SCN4A: variants seen among roughly 807,000 people sequenced by gnomAD.
SCN4A encodes the protein sodium channel protein type 4 subunit alpha.
A neutral mutation model predicts 162.0 loss-of-function variants in SCN4A; 83 were observed. The observed-to-expected ratio is 0.51, with a 90% CI of 0.43 to 0.61. The LOEUF (loss-of-function observed/expected upper bound fraction) is 0.61, where lower values mean the gene tolerates loss of function less well. SCN4A is among the 20% of genes least tolerant of loss of function. SCN4A has a pLI of 0.00. For synonymous variants in SCN4A, 944 were observed against 985.1 expected (o/e 0.96, Z 0.78); for missense variants, 2,196 against 2,462.5 (o/e 0.89, Z 2.29).
At chr17:63,943,955 C>T in intron 21 of SCN4A, 105 bp from the exon 22 acceptor site, 1 of 703,838 alleles carries the variant, frequency 1.4e-6, no homozygotes, top group East Asian at 2.7e-5. Flanking sequence ...AGCCCCCGCC[C>T]CTGTTGATCA....
intron 17 of SCN4A, 141 bp from the exon 18 acceptor site, chr17:63,947,308 G>A (rs995514598): frequency 5.4e-5 from 56 of 1,035,346 alleles, no homozygotes; most frequent in South Asian, 2.0e-4. Context: ...CTGTCCGGTG[G>A]GAAGAGCAGC....
At chr17:63,947,796 G>A in intron 17 of SCN4A, 94 bp downstream of exon 17, 1 of 1,307,556 alleles carries the variant, frequency 7.6e-7, no homozygotes, top group Non-Finnish European at 1.1e-6. Flanking sequence ...GTGGCCTCGG[G>A]CAGGTCCTGC....
At position 63,964,558 on chromosome 17, in the gene SCN4A, A is replaced by T. The variant is rs369190019; in HGVS notation, c.1362T>A (p.Asn454Lys). Residue 454 changes from asparagine (N) to lysine (K), a missense_variant, in exon 9 of 24, where the codon AAT becomes AAA. Coordinates refer to ENST00000435607, the MANE Select transcript of SCN4A (RefSeq NM_000334.4). ...AVVAMAYAEQ[N>K]EATLAEDKEK... ...CCTTATCCTCGGCCAGGGTGGCCTC[A>T]TTCTGCTCGGCATATGCCATGGCCA... 1.2e-6 allele frequency: 2 copies of T among 1,613,920 alleles called. No individual in the cohort carries two copies. Among genetic ancestry groups the T allele is most frequent in the African/African-American group, 2.7e-5 (2 of 74,950 alleles).
At chr17:63,964,708 T>G (rs1597982818) in intron 8 of SCN4A, 31 bp from the exon 9 acceptor site, 133 of 1,518,474 alleles carry the variant, frequency 8.8e-5, no homozygotes, top group Non-Finnish European at 1.1e-4. Context: ...AGTGGAGGGG[T>G]CCCATGACGT....
chr17:63,940,604 G>A lies in SCN4A; in HGVS notation c.*167C>T. On this transcript the variant is annotated 3_prime_UTR_variant, in exon 24 of 24. Transcript: ENST00000435607. The stretch of plus-strand genomic sequence containing the variant: ...CATTTCCCATGGTCTGGGAACGCAG[G>A]CGCTCGGGCCTGGGTGTCAGCCCCA... The A allele has an allele frequency of 2.8e-6, 2 of 720,386 alleles. No homozygotes were observed. Among genetic ancestry groups the A allele is most frequent in the Non-Finnish European group, 4.2e-6 (2 of 473,472 alleles). 44.6% of individuals were successfully genotyped at this position (720,386 alleles called of 1,614,324 possible). A position where few individuals can be genotyped will look rare whatever the true frequency, so the allele number is the denominator to read the frequency against.
rs1354826417 is a variant in SCN4A, at chr17:63,961,603, C to T, written c.1607-172G>A. The T allele has an allele frequency of 6.7e-6, 4 of 599,416 alleles. No homozygotes were observed. In the African/African-American group the frequency reaches 7.4e-5, roughly 11 times the overall value. The allele number at this position is 599,416 out of a possible 1,614,324, so 37.1% of individuals were successfully genotyped here. On this transcript the variant is annotated intron_variant, in intron 10 of 23. Coordinates refer to ENST00000435607, the MANE Select transcript of SCN4A (RefSeq NM_000334.4). Reference sequence around the variant, plus strand: ...CCGCCTCTTGCGTCACCCTTACTGTCACCTCCCCTGTAACCTCCGCCCCAC... The same window carrying T: ...CCGCCTCTTGCGTCACCCTTACTGTTACCTCCCCTGTAACCTCCGCCCCAC...
chr17:63,964,464 A>T lies in SCN4A; in HGVS notation c.1452+4T>A. 1 of 1,613,652 alleles carries T rather than the reference A, an allele frequency of 6.2e-7. No individual in the cohort carries two copies. Among genetic ancestry groups the T allele is most frequent in the Non-Finnish European group, 8.5e-7 (1 of 1,179,586 alleles). On this transcript the variant is annotated splice_donor_region_variant and intron_variant, in intron 9 of 23. Transcript: ENST00000435607. Reference sequence around the variant, plus strand: ...TCCTCTATCTCCTTTCCCTGAGTCCAGACCTTCTCCAGCTCCTCCTGGTGC... The same window carrying T: ...TCCTCTATCTCCTTTCCCTGAGTCCTGACCTTCTCCAGCTCCTCCTGGTGC...
chr17:63,972,033 AGT>A lies in SCN4A; in HGVS notation c.482+101_482+102del, dbSNP rs1038541321. 9.2e-7 allele frequency: 1 copy of A among 1,082,952 alleles called. No homozygotes were observed. Among genetic ancestry groups the A allele is most frequent in the African/African-American group, 1.6e-5 (1 of 64,394 alleles). 67.1% of individuals were successfully genotyped at this position (1,082,952 alleles called of 1,614,324 possible). Reference sequence around the variant, plus strand: ...AGGTGTGGATGAGGGTCACAATGACAGTGTGTCTCCCTGAAAGACAAGAGCAG... The same window carrying A: ...AGGTGTGGATGAGGGTCACAATGACAGTGTCTCCCTGAAAGACAAGAGCAG... On this transcript the variant is annotated intron_variant, in intron 3 of 23. Coordinates refer to ENST00000435607, the MANE Select transcript of SCN4A (RefSeq NM_000334.4). The surrounding 1 kb of genome is among the most constrained non-coding windows in gnomAD (Gnocchi z 4.3).
rs1329168769 is a variant in SCN4A, at chr17:63,944,138, C to T, written c.3913-288G>A. Among the ~76,000 whole-genome samples the T allele has an allele frequency of 6.6e-6, 1 of 151,908 alleles. No homozygotes were observed. The highest frequency in any genetic ancestry group is 1.5e-5 in the Non-Finnish European group (1 of 68,008). The stretch of plus-strand genomic sequence containing the variant: ...AACCCACAAGGCAGGTTGTAGCAGC[C>T]TCGTCTTTTTTTTTGTTGTTGAGAT... On this transcript the variant is annotated intron_variant, in intron 21 of 23. Coordinates refer to ENST00000435607, the MANE Select transcript of SCN4A (RefSeq NM_000334.4). This position sits in a 1 kb window ranked among gnomAD's most constrained non-coding sequence, Gnocchi z 4.3.
At position 63,941,991 on chromosome 17, in the gene SCN4A, G is replaced by T. The variant is rs761581905; in HGVS notation, c.4291C>A (p.Leu1431Ile). 3 of 1,562,914 alleles carry T rather than the reference G, an allele frequency of 1.9e-6. No individual in the cohort carries two copies. The Admixed American group carries it at 5.4e-5, about 28-fold the overall frequency. ...TTCTGGATCAGGTCAGAGAGGGCAA[G>T]GCCTGCGGGGAGAAGCTAGTGAGGA... ...FVVVILSIVG[L>I]ALSDLIQKYF... Residue 1431 changes from leucine (L) to isoleucine (I), a missense_variant and splice_region_variant, in exon 24 of 24, where the codon CTT (leucine) becomes ATT (isoleucine). Physicochemically the swap from Leu to Ile is conservative, Grantham distance 5. Coordinates refer to ENST00000435607, the MANE Select transcript of SCN4A (RefSeq NM_000334.4). This position sits in a 1 kb window ranked among gnomAD's most constrained non-coding sequence, Gnocchi z 6.2.
Position 63,940,171 on chromosome 17 carries a change from G to C in SCN4A, c.*600C>G, listed in dbSNP as rs1908473678. ...GTGGCCAATCAGGTTTTGAGGCTTT[G>C]AGGAGCTATTTCTGAACCAGTCACA... On this transcript the variant is annotated 3_prime_UTR_variant, in exon 24 of 24. Transcript: ENST00000435607. The C allele has an allele frequency of 2.0e-5, 3 of 152,338 alleles. No homozygotes were observed. Among genetic ancestry groups the C allele is most frequent in the Admixed American group, 2.0e-4 (3 of 15,282 alleles). The allele number at this position is 152,338 out of a possible 1,614,324, so 9.4% of individuals were successfully genotyped here.
chr17:63,967,921 G>A (rs1909499242), intron 6 of SCN4A, 102 bp downstream of exon 6: 3 of 990,084 alleles, frequency 3.0e-6, no homozygotes, highest in Non-Finnish European at 4.5e-6. Flanking sequence ...TGACAAGAGT[G>A]AGACTCCATC....
At position 63,951,933 on chromosome 17, in the gene SCN4A, A is replaced by T; in HGVS notation, c.2377-33T>A. 1 of 1,393,066 alleles carries T rather than the reference A, an allele frequency of 7.2e-7. No homozygotes were observed. Among genetic ancestry groups the T allele is most frequent in the Non-Finnish European group, 9.7e-7 (1 of 1,035,942 alleles). 86.3% of individuals were successfully genotyped at this position (1,393,066 alleles called of 1,614,324 possible). A position where few individuals can be genotyped will look rare whatever the true frequency, so the allele number is the denominator to read the frequency against. ...ATGGGGTCAGGGGGAGCCTCACATCAGTCCCCGGGACCCAGAGGGTGCCAC... is the reference window on the plus strand; with the variant it reads ...ATGGGGTCAGGGGGAGCCTCACATCTGTCCCCGGGACCCAGAGGGTGCCAC... On this transcript the variant is annotated intron_variant, in intron 13 of 23. Coordinates refer to ENST00000435607, the MANE Select transcript of SCN4A (RefSeq NM_000334.4). This position sits in a 1 kb window ranked among gnomAD's most constrained non-coding sequence, Gnocchi z 4.5.
chr17:63,943,995 G>T, intron 21 of SCN4A, 145 bp from the exon 22 acceptor site: 1 of 622,808 alleles, frequency 1.6e-6, no homozygotes, highest in Non-Finnish European at 2.9e-6. Flanking sequence ...GTCAGAGATG[G>T]AGGGACAAGG....
intron 5 of SCN4A, 57 bp from the exon 6 acceptor site, chr17:63,968,412 C>A (rs779502297): frequency 1.1e-5 from 16 of 1,407,702 alleles, no homozygotes; most frequent in Non-Finnish European, 1.5e-5. Flanking sequence ...GATAACAGAG[C>A]CCCCGCGGCC....
chr17:63,939,858 A>C lies in SCN4A; in HGVS notation c.*913T>G, dbSNP rs1412188685. 2 of 152,226 alleles carry C rather than the reference A, an allele frequency of 1.3e-5. No individual in the cohort carries two copies. Among genetic ancestry groups the C allele is most frequent in the African/African-American group, 4.8e-5 (2 of 41,438 alleles). 9.4% of individuals were successfully genotyped at this position (152,226 alleles called of 1,614,324 possible). A position where few individuals can be genotyped will look rare whatever the true frequency, so the allele number is the denominator to read the frequency against. On this transcript the variant is annotated 3_prime_UTR_variant, in exon 24 of 24. Transcript: ENST00000435607. ...GGCTCCTGGAGCCCTGGTGGTGCTC[A>C]CGGAGGAGTGAGGCAGGGAGAGAGG...
In SCN4A at chr17:63,972,120, G is replaced by C; in HGVS notation, c.482+16C>G. On this transcript the variant is annotated intron_variant, in intron 3 of 23. Coordinates refer to ENST00000435607, the MANE Select transcript of SCN4A (RefSeq NM_000334.4). This position sits in a 1 kb window ranked among gnomAD's most constrained non-coding sequence, Gnocchi z 4.3. ...GTGTCCCAGGGCTGGGGAGCTCAGG[G>C]AGCAGGGAGACTTACTCCACATTCT... The C allele has an allele frequency of 1.3e-6, 2 of 1,597,370 alleles. No individual in the cohort carries two copies. Among genetic ancestry groups the C allele is most frequent in the South Asian group, 1.1e-5 (1 of 89,864 alleles).
At chr17:63,962,943 C>T (rs537969945) in intron 10 of SCN4A, among the ~76,000 whole-genome samples, 9 of 152,308 alleles carry the variant, frequency 5.9e-5, no homozygotes, top group South Asian at 2.1e-4. Flanking sequence ...TCCTGCAGGG[C>T]CCCCAACTCC....
intron 11 of SCN4A, 73 bp downstream of exon 11, chr17:63,961,120 G>A: frequency 1.0e-6 from 1 of 978,960 alleles, no homozygotes; most frequent in Non-Finnish European, 1.5e-6. Flanking sequence ...TTTACATACA[G>A]CCAGACAGCT....
Sources: allele counts gnomAD v4.1 joint callset (sites outside exome capture counted in the v4.1 genomes callset), GRCh38; gene constraint gnomAD v4.1.1; non-coding constraint Gnocchi (gnomAD v3.1); transcripts MANE v1.5; gene names NCBI Gene and HGNC (gene_info 2026-07-23, HGNC 2026-07-21).